Variants in CTSH observed in about 807,000 individuals in gnomAD.
The protein encoded by CTSH is pro-cathepsin H.
CTSH carries 52 observed loss-of-function variants against 56.3 expected under a neutral mutation model. That is an observed-to-expected ratio of 0.92 (90% CI 0.74 to 1.16). The LOEUF is 1.16. Ranked by LOEUF, CTSH falls within the 50% of genes most tolerant of loss-of-function variation. The probability of loss-of-function intolerance (pLI) is 0.00; values close to 1 mark genes in which losing one functional copy is unlikely to be tolerated. For missense variants in CTSH, 406 were observed against 424.5 expected (o/e 0.96, Z 0.38); for synonymous variants, 174 against 155.7 (o/e 1.12, Z -0.88).
chr15:78,935,602 G>A (rs942852669), intron 4 of CTSH, 78 bp downstream of exon 4: 1 of 1,268,138 alleles, frequency 7.9e-7, no homozygotes, highest in African/African-American at 1.5e-5. Flanking sequence ...AATCTGCCTA[G>A]AAGCAGAGCA....
Position 78,922,057 on chromosome 15 carries a change from G to A in CTSH, c.*73C>T. On this transcript the variant is annotated 3_prime_UTR_variant, in exon 12 of 12. Transcript: ENST00000220166. The stretch of plus-strand genomic sequence containing the variant: ...GGATCTCCCCACAACTTCCTCCAGG[G>A]CAGGATTTCCACCCAGGCCCAGGCT... The A allele has an allele frequency of 7.2e-7, 1 of 1,388,680 alleles. No homozygotes were observed. The highest frequency in any genetic ancestry group is 1.0e-6 in the Non-Finnish European group (1 of 1,002,852). 86.0% of individuals were successfully genotyped at this position (1,388,680 alleles called of 1,614,324 possible).
intron 5 of CTSH, 40 bp downstream of exon 5, chr15:78,934,938 G>A (rs769705580): frequency 7.6e-7 from 1 of 1,313,964 alleles, no homozygotes; most frequent in Non-Finnish European, 1.1e-6. Flanking sequence ...CTGGGAGTGT[G>A]GCCGTTTTGC....
Position 78,925,413 on chromosome 15 carries a change from C to T in CTSH, c.727G>A (p.Val243Met), listed in dbSNP as rs764418306. 1 of 1,613,772 alleles carries T rather than the reference C, an allele frequency of 6.2e-7. No homozygotes were observed. The highest frequency in any genetic ancestry group is 1.7e-5 in the Admixed American group (1 of 60,030). ...AAGCTCACAGGGTTGTAGAGGGCCA[C>T]AGCCTCCACCATCGCTTCCTCGTCA... ...IYDEEAMVEA[V>M]ALYNPVSFAF... Residue 243 changes from valine (V) to methionine (M), a missense_variant, in exon 10 of 12, where the codon GTG becomes ATG. Physicochemically the swap from Val to Met is conservative, Grantham distance 21 (BLOSUM62 1). Transcript: ENST00000220166.
intron 7 of CTSH, 80 bp downstream of exon 7, chr15:78,931,371 G>T: frequency 6.3e-7 from 1 of 1,574,992 alleles, no homozygotes; most frequent in South Asian, 1.1e-5. Context: ...ATCTGTGGCA[G>T]ACCCAGCACA....
intron 8 of CTSH, 67 bp downstream of exon 8, chr15:78,929,345 G>A (rs992532300): frequency 4.9e-6 from 6 of 1,228,248 alleles, no homozygotes; most frequent in Non-Finnish European, 6.0e-6. Flanking sequence ...GTCTTCCAAG[G>A]CTGGGGAGGG....
intron 8 of CTSH, 68 bp from the exon 9 acceptor site, chr15:78,927,849 C>G (rs1032099291): frequency 7.6e-7 from 1 of 1,307,288 alleles, no homozygotes; most frequent in South Asian, 1.2e-5. Flanking sequence ...CCACGCAGTT[C>G]AATAACATTT....
rs1422241652 is a variant in CTSH at position 78,934,863 on chromosome 15, C to T, written c.405+115G>A. 7.6e-5 allele frequency: 58 copies of T among 758,172 alleles called. 1 individual carries two copies. The Admixed American group carries it at 8.3e-4, about 11-fold the overall frequency. 47.0% of individuals were successfully genotyped at this position (758,172 alleles called of 1,614,324 possible). ...GGGCTGGAGAGATGCCGAGAGGAAACAGAGGCAGGGATGTGCTTGTGGTGG... is the reference window on the plus strand; with the variant it reads ...GGGCTGGAGAGATGCCGAGAGGAAATAGAGGCAGGGATGTGCTTGTGGTGG... On this transcript the variant is annotated intron_variant, in intron 5 of 11. Transcript: ENST00000220166.
rs151024560 is a variant in CTSH at position 78,939,184 on chromosome 15, A to AG, written c.92-14_92-13insC. ...AAGTGAAACTTCTCTGTAAAAAGAA[A>AG]AAAAAAATTAGGTCTGGGCGCATCA... On this transcript the variant is annotated splice_polypyrimidine_tract_variant and intron_variant, in intron 1 of 11. Coordinates refer to ENST00000220166, the MANE Select transcript of CTSH (RefSeq NM_004390.5). 28,089 of 1,591,104 alleles carry AG rather than the reference A, an allele frequency of 0.018. 3,714 individuals are homozygous for AG. In the East Asian group the frequency reaches 0.35, roughly 20 times the overall value.
chr15:78,935,066 T>C lies in CTSH; in HGVS notation c.317A>G (p.Lys106Arg), dbSNP rs766831718. ...ACCAGTACCTCGAAGGTAGTTACTTTTGGTGGCTGAGCAATTCTGGAACAA... is the reference window on the plus strand; with the variant it reads ...ACCAGTACCTCGAAGGTAGTTACTTCTGGTGGCTGAGCAATTCTGGAACAA... The part of the protein sequence containing the change: ...WSEPQNCSAT[K>R]SNYLRGTGPY... Residue 106 changes from lysine (K) to arginine (R), a missense_variant, in exon 5 of 12, where the codon AAA (lysine) becomes AGA (arginine). Lys to Arg is a conservative substitution (Grantham distance 26). Transcript: ENST00000220166. The C allele has an allele frequency of 1.9e-6, 3 of 1,613,636 alleles. No homozygotes were observed. The Admixed American group carries it at 5.0e-5, about 27-fold the overall frequency.
chr15:78,940,874 G>A (rs897587440), intron 1 of CTSH, among the ~76,000 whole-genome samples: 2 of 151,716 alleles, frequency 1.3e-5, no homozygotes, highest in East Asian at 2.0e-4. Context: ...CAGGAGGATC[G>A]CTTGAACCTG....
Position 78,921,969 on chromosome 15 carries a change from C to T in CTSH, c.*161G>A. The T allele has an allele frequency of 3.1e-6, 2 of 639,972 alleles. No individual in the cohort carries two copies. The highest frequency in any genetic ancestry group is 5.4e-6 in the Non-Finnish European group (2 of 367,268). The allele number at this position is 639,972 out of a possible 1,614,324, so 39.6% of individuals were successfully genotyped here. A position where few individuals can be genotyped will look rare whatever the true frequency, so the allele number is the denominator to read the frequency against. ...CACGGGTGAGCTCATGGTGGAACTC[C>T]TCCTTGTCTGTAGGTTTCCAGGCTG... On this transcript the variant is annotated 3_prime_UTR_variant, in exon 12 of 12. Transcript: ENST00000220166.
chr15:78,921,769 T>G lies in CTSH; in HGVS notation c.*361A>C. The G allele has an allele frequency of 4.6e-6, 1 of 215,624 alleles. No homozygotes were observed. Among genetic ancestry groups the G allele is most frequent in the African/African-American group, 2.3e-5 (1 of 43,194 alleles). The allele number at this position is 215,624 out of a possible 1,614,324, so 13.4% of individuals were successfully genotyped here. A position where few individuals can be genotyped will look rare whatever the true frequency, so the allele number is the denominator to read the frequency against. ...CATGGCCCAGGACCAGCATGCTCCA[T>G]CTGGGGAGGTGCTCACTCAATGTTT... On this transcript the variant is annotated 3_prime_UTR_variant, in exon 12 of 12. Transcript: ENST00000220166.
In CTSH at chr15:78,929,482, C is replaced by G. The variant is rs1229048379; in HGVS notation, c.560G>C (p.Ser187Thr). 2 of 1,610,264 alleles carry G rather than the reference C, an allele frequency of 1.2e-6. No homozygotes were observed. Among genetic ancestry groups the G allele is most frequent in the Non-Finnish European group, 1.7e-6 (2 of 1,178,138 alleles). The change falls in exon 8 of 12, where the codon AGC becomes ACC. Residue 187 changes from serine (S) to threonine (T), a missense_variant. Ser to Thr is a moderately conservative substitution (Grantham distance 58, BLOSUM62 1). Transcript: ENST00000220166. ...NNHGCQGGLP[S>T]QAFEYILYNK... ...GTACAGGATATACTCGAAAGCCTGG[C>G]TGGGGAGACCCCTGCAAGAAGTACA...
chr15:78,922,850 TC>T, intron 11 of CTSH, 142 bp downstream of exon 11: 1 of 967,672 alleles, frequency 1.0e-6, no homozygotes. Context: ...ATTCTCATGC[TC>T]CCTTTCCCCC....
chr15:78,926,934 C>T (rs1304593659), intron 9 of CTSH: 1 of 152,242 alleles, frequency 6.6e-6, no homozygotes, highest in Non-Finnish European at 1.5e-5. Context: ...AACTAAATGG[C>T]AGCCGCTGTC....
intron 2 of CTSH, among the ~76,000 whole-genome samples, chr15:78,938,839 T>G (rs1596288832): frequency 2.2e-5 from 1 of 44,696 alleles, no homozygotes; most frequent in Non-Finnish European, 1.4e-4. Flanking sequence ...CTCCATACTG[T>G]TTTTTTTACA....
chr15:78,931,684 C>T, intron 6 of CTSH, 178 bp from the exon 7 acceptor site: 1 of 1,467,930 alleles, frequency 6.8e-7, no homozygotes, highest in Non-Finnish European at 9.0e-7. Context: ...GCAGTGCCAG[C>T]CCAGCAGCTG....
At chr15:78,926,437 C>T (rs1157710718) in intron 9 of CTSH, 1 of 152,458 alleles carries the variant, frequency 6.6e-6, no homozygotes, top group African/African-American at 2.4e-5. Flanking sequence ...GCACCATTTC[C>T]ACCCCATGGG....
chr15:78,938,471 T>C (rs1020796899), intron 2 of CTSH, among the ~76,000 whole-genome samples: 2 of 152,216 alleles, frequency 1.3e-5, no homozygotes, highest in African/African-American at 2.4e-5. Flanking sequence ...TCTTTCTTCA[T>C]CAGATCCACT....
Sources: gnomAD v4.1 joint callset for allele counts (sites outside exome capture counted in the v4.1 genomes callset) on GRCh38, gnomAD v4.1.1 for gene constraint, MANE v1.5 for transcripts, NCBI Gene and HGNC (gene_info 2026-07-23, HGNC 2026-07-21) for gene names.